FRAS1: variants seen among roughly 807,000 people sequenced by gnomAD.
The protein encoded by FRAS1 is extracellular matrix organizing protein FRAS1.
A neutral mutation model predicts 435.2 loss-of-function variants in FRAS1; 290 were observed. The observed-to-expected ratio is 0.67, with a 90% CI of 0.61 to 0.73. The LOEUF is 0.73. FRAS1 is among the 30% of genes least tolerant of loss of function. The pLI is 0.00. For missense variants in FRAS1, 4,860 were observed against 5,001.5 expected (o/e 0.97, Z 0.85); for synonymous variants, 1,800 against 1,851.0 (o/e 0.97, Z 0.71).
intron 31 of FRAS1, among the ~76,000 whole-genome samples, chr4:78,412,329 T>G (rs747224619): frequency 9.2e-5 from 14 of 152,310 alleles, no homozygotes; most frequent in Non-Finnish European, 2.1e-4. Flanking sequence ...AAGAGGGTGG[T>G]CCAGTAACTG....
intron 59 of FRAS1, among the ~76,000 whole-genome samples, chr4:78,493,470 A>G (rs1720423997): frequency 6.6e-6 from 1 of 152,258 alleles, no homozygotes; most frequent in Admixed American, 6.5e-5. Context: ...AGTATTATGC[A>G]GCTATAAAAA....
chr4:78,068,465 G>T (rs952982361), intron 2 of FRAS1: 1 of 454,912 alleles, frequency 2.2e-6, no homozygotes. Flanking sequence ...TTGAGGCAGT[G>T]CATGGAGGAT....
At chr4:78,289,372 C>T (rs2110191352) in intron 14 of FRAS1, among the ~76,000 whole-genome samples, 1 of 152,292 alleles carries the variant, frequency 6.6e-6, no homozygotes, top group South Asian at 2.1e-4. Context: ...TAATTATAGG[C>T]CACATGATGC....
chr4:78,367,115 A>C (rs1196314111), intron 22 of FRAS1, among the ~76,000 whole-genome samples: 2 of 152,172 alleles, frequency 1.3e-5, no homozygotes, highest in Non-Finnish European at 2.9e-5. Flanking sequence ...ACTTTGTAGA[A>C]AGATTCAGGC....
rs1182291009 is a variant in FRAS1 at position 78,347,982 on chromosome 4, G to GTAAGAGTGATGCTCATGACGTGTTGTT, written c.2422+10165_2422+10166insTAAGAGTGATGCTCATGACGTGTTGTT. On this transcript the variant is annotated intron_variant, in intron 20 of 73. Transcript: ENST00000512123. ...AATTGGATACAAAGCTTCAAGATAG[G>GTAAGAGTGATGCTCATGACGTGTTGTT]GGAGGAGCCAAGATGGCCGAATAGG... Among the ~76,000 whole-genome samples, 22 of 7,292 alleles carry GTAAGAGTGATGCTCATGACGTGTTGTT rather than the reference G, an allele frequency of 3.0e-3. 1 individual carries two copies. The highest frequency in any genetic ancestry group is 0.017 in the African/African-American group (4 of 240). 4.8% of individuals were successfully genotyped at this position (7,292 alleles called of 152,430 possible). A position where few individuals can be genotyped will look rare whatever the true frequency, so the allele number is the denominator to read the frequency against.
rs1720523032 is a variant in FRAS1 at position 78,496,946 on chromosome 4, T to C, written c.9100T>C (p.Ser3034Pro). 5.6e-6 allele frequency: 9 copies of C among 1,613,152 alleles called. No individual in the cohort carries two copies. Among genetic ancestry groups the C allele is most frequent in the Non-Finnish European group, 7.6e-6 (9 of 1,179,314 alleles). ...GKNNMATITI[S>P]NDEDAPTIEF... ...GAATAACATGGCCACCATCACCATA[T>C]CCAATGATGAAGATGGTAACAGAAG... is the stretch of plus-strand genomic sequence containing the variant. The change falls in exon 60 of 74, where the codon TCC becomes CCC. Residue 3034 changes from serine to proline, a missense_variant. By Grantham distance (74) the Ser-to-Pro change is moderately conservative (BLOSUM62 -1). Transcript: ENST00000512123.
intron 38 of FRAS1, among the ~76,000 whole-genome samples, chr4:78,435,740 G>GAA (rs34135859): frequency 1.0e-4 from 14 of 137,526 alleles, no homozygotes; most frequent in African/African-American, 2.7e-4. Context: ...TCTGTCTCAA[G>GAA]AAAAAAAAAA....
At position 78,450,122 on chromosome 4, in the gene FRAS1, T is replaced by C. The variant is rs755251039; in HGVS notation, c.6275-29T>C. On this transcript the variant is annotated intron_variant, in intron 44 of 73. Coordinates refer to ENST00000512123, the MANE Select transcript of FRAS1 (RefSeq NM_025074.7). ...CCCGTTCAAAGGAAATGTTGGGGAA[T>C]AACCTACTCTCTTCCGTTCTCTTCC... 1.9e-6 allele frequency: 3 copies of C among 1,569,186 alleles called. No individual in the cohort carries two copies. In the Admixed American group the frequency reaches 5.4e-5, roughly 28 times the overall value.
intron 59 of FRAS1, among the ~76,000 whole-genome samples, chr4:78,493,554 A>C (rs1404521347): frequency 6.6e-6 from 1 of 152,114 alleles, no homozygotes; most frequent in Admixed American, 6.6e-5. Flanking sequence ...CTAACACAGA[A>C]ACAGAAAACC....
intron 2 of FRAS1, among the ~76,000 whole-genome samples, chr4:78,079,098 G>A (rs752080216): frequency 7.2e-5 from 11 of 152,158 alleles, no homozygotes; most frequent in Non-Finnish European, 1.6e-4. Flanking sequence ...TAGATGAGAA[G>A]AGCATGTGGC....
chr4:78,426,270 A>T (rs1012195865), intron 35 of FRAS1, among the ~76,000 whole-genome samples: 49 of 152,086 alleles, frequency 3.2e-4, no homozygotes, highest in African/African-American at 1.1e-3. Context: ...CCAAGCCTCA[A>T]CTCTTACCTG....
chr4:78,486,871 A>G (rs1275243052), intron 58 of FRAS1, among the ~76,000 whole-genome samples: 1 of 142,878 alleles, frequency 7.0e-6, no homozygotes, highest in East Asian at 2.1e-4. Context: ...GATAGAAGTG[A>G]GAGTGAATGT....
At chr4:78,228,300 TG>T (rs748040555) in intron 2 of FRAS1, among the ~76,000 whole-genome samples, 14 of 152,302 alleles carry the variant, frequency 9.2e-5, no homozygotes, top group Non-Finnish European at 1.6e-4. Context: ...TTACTTAAAG[TG>T]GAAAGATGAG....
At chr4:78,344,681 G>A (rs983098181) in intron 20 of FRAS1, among the ~76,000 whole-genome samples, 1 of 151,812 alleles carries the variant, frequency 6.6e-6, no homozygotes, top group Non-Finnish European at 1.5e-5. Context: ...AGAGTGGCTC[G>A]GAGAGGCACT....
intron 47 of FRAS1, among the ~76,000 whole-genome samples, chr4:78,457,374 A>T (rs1024366291): frequency 2.0e-5 from 3 of 152,114 alleles, no homozygotes; most frequent in African/African-American, 7.2e-5. Context: ...TCAGCCCCCA[A>T]ATCTTCTTAA....
chr4:78,362,951 A>G (rs994400205), intron 20 of FRAS1, among the ~76,000 whole-genome samples: 1 of 152,182 alleles, frequency 6.6e-6, no homozygotes, highest in African/African-American at 2.4e-5. Flanking sequence ...CATGATTCAG[A>G]AAGAACCAAT....
intron 2 of FRAS1, among the ~76,000 whole-genome samples, chr4:78,158,311 T>A (rs529825229): frequency 6.6e-6 from 1 of 152,318 alleles, no homozygotes; most frequent in African/African-American, 2.4e-5. Flanking sequence ...AATCCATGAG[T>A]ATAAAATGTT....
At chr4:78,513,825 G>A (rs1721120259) in intron 65 of FRAS1, among the ~76,000 whole-genome samples, 1 of 152,144 alleles carries the variant, frequency 6.6e-6, no homozygotes, top group Non-Finnish European at 1.5e-5. Flanking sequence ...CTATAAAGTG[G>A]GAATAACAAT....
At chr4:78,536,876 TC>T in intron 71 of FRAS1, 118 bp from the exon 72 acceptor site, 1 of 667,058 alleles carries the variant, frequency 1.5e-6, no homozygotes, top group East Asian at 2.6e-5. Flanking sequence ...ATCATGGAGC[TC>T]TTCATAGAAA....
Sources: gnomAD v4.1 joint callset for allele counts (sites outside exome capture counted in the v4.1 genomes callset) on GRCh38, gnomAD v4.1.1 for gene constraint, MANE v1.5 for transcripts, NCBI Gene and HGNC (gene_info 2026-07-23, HGNC 2026-07-21) for gene names.